Variants in ROBO2 observed in about 807,000 individuals in gnomAD.
ROBO2 encodes the protein roundabout homolog 2.
Under a neutral mutation model 160.8 loss-of-function variants are expected in ROBO2, and 53 were observed. The ratio of observed to expected loss-of-function variants is 0.33; its 90% CI spans 0.26 to 0.41. The LOEUF is 0.41. Among genes scored for constraint, ROBO2 ranks in the 10% least tolerant of loss-of-function variants. The pLI, the probability that ROBO2 is intolerant of heterozygous loss-of-function variation, is 1.00. For synonymous variants in ROBO2, 664 were observed against 611.7 expected, an observed-to-expected ratio of 1.09 and a Z score of -1.26; for missense variants, 1,577 against 1,722.4, an observed-to-expected ratio of 0.92 and a Z score of 1.49.
intron 21 of ROBO2, among the ~76,000 whole-genome samples, chr3:77,612,883 G>A (rs990387764): frequency 1.3e-5 from 2 of 152,078 alleles, no homozygotes; most frequent in South Asian, 2.1e-4. Flanking sequence ...AACTTGGGAG[G>A]TGGAGCTTGC....
At chr3:76,988,426 A>G (rs2060499166) in intron 2 of ROBO2, among the ~76,000 whole-genome samples, 1 of 152,210 alleles carries the variant, frequency 6.6e-6, no homozygotes, top group Non-Finnish European at 1.5e-5. Context: ...TCAATAATTT[A>G]TATAACTTGT....
At chr3:77,154,163 A>G (rs2077774335) in intron 2 of ROBO2, among the ~76,000 whole-genome samples, 1 of 152,194 alleles carries the variant, frequency 6.6e-6, no homozygotes, top group Admixed American at 6.6e-5. Flanking sequence ...ACTAATAATA[A>G]TCCCCTAATG....
chr3:76,306,529 A>G (rs1308170692), intron 2 of ROBO2, among the ~76,000 whole-genome samples: 5 of 152,194 alleles, frequency 3.3e-5, no homozygotes, highest in African/African-American at 9.6e-5. Flanking sequence ...AATTATGGAG[A>G]TTCCTAAATC....
chr3:76,737,813 A>G (rs1006210680), intron 2 of ROBO2, among the ~76,000 whole-genome samples: 34 of 150,678 alleles, frequency 2.3e-4, no homozygotes, highest in Non-Finnish European at 3.8e-4. Flanking sequence ...GTTTAAGCAG[A>G]TCACTAACTA....
intron 2 of ROBO2, chr3:75,937,665 T>A: frequency 9.5e-7 from 1 of 1,051,196 alleles, no homozygotes; most frequent in Non-Finnish European, 1.3e-6. Flanking sequence ...ATGATGATAT[T>A]ATGTGAGTCT....
chr3:76,182,326 A>G (rs1701545876), intron 2 of ROBO2, among the ~76,000 whole-genome samples: 1 of 152,142 alleles, frequency 6.6e-6, no homozygotes, highest in Non-Finnish European at 1.5e-5. Flanking sequence ...TGATCCAGAA[A>G]CTGGAAATAC....
intron 21 of ROBO2, among the ~76,000 whole-genome samples, chr3:77,611,297 C>CAAA (rs11330872): frequency 9.8e-5 from 13 of 132,212 alleles, no homozygotes; most frequent in Admixed American, 8.9e-4. Context: ...GACTCTGTCT[C>CAAA]AAAAAAAAAA....
At chr3:77,047,841 A>G (rs1473230240) in intron 1 of ROBO2, among the ~76,000 whole-genome samples, 1 of 151,626 alleles carries the variant, frequency 6.6e-6, no homozygotes, top group Non-Finnish European at 1.5e-5. Context: ...CAGGAGGTCG[A>G]GACTATCCTG....
intron 2 of ROBO2, among the ~76,000 whole-genome samples, chr3:75,971,354 A>G (rs1284300748): frequency 1.3e-5 from 2 of 151,546 alleles, no homozygotes; most frequent in East Asian, 3.9e-4. Context: ...CTTTTAAGTA[A>G]TATTTGAGTG....
chr3:76,934,381 A>C (rs958589898), intron 2 of ROBO2, among the ~76,000 whole-genome samples: 2 of 152,144 alleles, frequency 1.3e-5, no homozygotes, highest in East Asian at 1.9e-4. Flanking sequence ...GATTTGCTTA[A>C]ATAAAAATAA....
chr3:76,875,219 G>A (rs1420969713), intron 2 of ROBO2, among the ~76,000 whole-genome samples: 1 of 152,158 alleles, frequency 6.6e-6, no homozygotes, highest in African/African-American at 2.4e-5. Flanking sequence ...CAGTCTTGGA[G>A]ACAGCAACAC....
chr3:77,491,803 C>A (rs567030260), intron 4 of ROBO2, among the ~76,000 whole-genome samples: 1 of 152,192 alleles, frequency 6.6e-6, no homozygotes, highest in African/African-American at 2.4e-5. Flanking sequence ...TCCCAGAGTA[C>A]GGATACTCTA....
chr3:76,468,220 C>A (rs1318782771), intron 2 of ROBO2, among the ~76,000 whole-genome samples: 1 of 152,098 alleles, frequency 6.6e-6, no homozygotes, highest in Non-Finnish European at 1.5e-5. Flanking sequence ...CATTGGATAG[C>A]AACTGGCAAA....
chr3:77,094,298 T>C (rs2150046899), intron 1 of ROBO2, among the ~76,000 whole-genome samples: 1 of 152,354 alleles, frequency 6.6e-6, no homozygotes, highest in African/African-American at 2.4e-5. Flanking sequence ...TCAAAGTTCA[T>C]CTATGTTGTA....
chr3:76,087,689 G>T (rs1027842637), intron 2 of ROBO2, among the ~76,000 whole-genome samples: 2 of 151,952 alleles, frequency 1.3e-5, no homozygotes, highest in African/African-American at 4.8e-5. Context: ...GAATTAGATT[G>T]TTTATACTTC....
At chr3:76,340,321 T>G (rs952560803) in intron 2 of ROBO2, among the ~76,000 whole-genome samples, 7 of 152,080 alleles carry the variant, frequency 4.6e-5, no homozygotes, top group Admixed American at 3.9e-4. Flanking sequence ...CCAAGTTACC[T>G]TAACCTTGTG....
At chr3:77,249,658 G>A (rs2090128387) in intron 2 of ROBO2, among the ~76,000 whole-genome samples, 1 of 151,798 alleles carries the variant, frequency 6.6e-6, no homozygotes, top group Non-Finnish European at 1.5e-5. Context: ...AGTTGCCCAA[G>A]TACTTAAACA....
chr3:77,027,494 T>G (rs896094947), intron 2 of ROBO2, among the ~76,000 whole-genome samples: 1 of 152,144 alleles, frequency 6.6e-6, no homozygotes, highest in Non-Finnish European at 1.5e-5. Context: ...AAAAGTAAAT[T>G]GGGCAATCAA....
At chr3:77,387,985 A>C (rs1413030167) in intron 2 of ROBO2, among the ~76,000 whole-genome samples, 1 of 152,128 alleles carries the variant, frequency 6.6e-6, no homozygotes, top group African/African-American at 2.4e-5. Flanking sequence ...CCTTGGCAAA[A>C]TAAACTTCCA....
Sources: allele counts gnomAD v4.1 joint callset (sites outside exome capture counted in the v4.1 genomes callset), GRCh38; gene constraint gnomAD v4.1.1; transcripts MANE v1.5; gene names NCBI Gene and HGNC (gene_info 2026-07-23, HGNC 2026-07-21).